The following IKBKE variants were observed in gnomAD, a reference collection of about 807,000 sequenced individuals.
IKBKE encodes inhibitor of nuclear factor kappa B kinase subunit epsilon.
A neutral mutation model predicts 92.1 loss-of-function variants in IKBKE; 45 were observed. The observed-to-expected ratio is 0.49, with a 90% CI of 0.38 to 0.63. The LOEUF is 0.63. Ranked by LOEUF, IKBKE falls within the 20% of genes least tolerant of loss-of-function variation. IKBKE has a pLI of 0.00. For synonymous variants in IKBKE, 374 were observed against 380.3 expected (o/e 0.98, Z 0.19); for missense variants, 700 against 932.8 (o/e 0.75, Z 3.25).
chr1:206,491,074 T>G (rs10863430), intron 17 of IKBKE: 511,500 of 607,976 alleles, frequency 0.84, 216,682 homozygotes, highest in East Asian at 1. Context: ...GTAACTGGAT[T>G]TACTTCTGGT....
Position 206,474,577 on chromosome 1 carries a change from G to A in IKBKE, c.228+106G>A, listed in dbSNP as rs1394978772. On this transcript the variant is annotated intron_variant, in intron 4 of 21. Coordinates refer to ENST00000581977, the MANE Select transcript of IKBKE (RefSeq NM_014002.4). ...GATTTGGTCCCATGCTCATCAGCAG[G>A]TCAGAGACAGCAGGCAAATTGCAGA... 9.1e-6 allele frequency: 11 copies of A among 1,207,850 alleles called. No homozygotes were observed. The African/African-American group carries it at 1.7e-4, about 18-fold the overall frequency. The allele number at this position is 1,207,850 out of a possible 1,614,324, so 74.8% of individuals were successfully genotyped here.
rs1347449168 is a variant in IKBKE at position 206,478,847 on chromosome 1, T to C, written c.993-96T>C. 31 of 956,148 alleles carry C rather than the reference T, an allele frequency of 3.2e-5. No homozygotes were observed. In the Admixed American group the frequency reaches 5.1e-4, roughly 16 times the overall value. 59.2% of individuals were successfully genotyped at this position (956,148 alleles called of 1,614,324 possible). On this transcript the variant is annotated intron_variant, in intron 9 of 21. Coordinates refer to ENST00000581977, the MANE Select transcript of IKBKE (RefSeq NM_014002.4). This position sits in a 1 kb window ranked among gnomAD's most constrained non-coding sequence, Gnocchi z 4.8. Reference sequence around the variant, plus strand: ...TCCCTCTGCAAAACAGAGCCCTGTCTATGGGCAACGCTTAGCTGGGGCTTA... The same window carrying C: ...TCCCTCTGCAAAACAGAGCCCTGTCCATGGGCAACGCTTAGCTGGGGCTTA...
Position 206,478,250 on chromosome 1 carries a change from G to A in IKBKE, c.903G>A (p.Glu301=). ...GGGGCTTCGACCAGTTCTTTGCGGA[G>A]ACCAGTGACATCCTGCAGCGAGTTG... The part of the protein sequence containing the change: ...KCWGFDQFFA[E]TSDILQRVVV... Residue 301 remains glutamate (E), a synonymous_variant, in exon 9 of 22, where the codon GAG becomes GAA. Transcript: ENST00000581977. The surrounding 1 kb of genome is among the most constrained non-coding windows in gnomAD (Gnocchi z 4.8). 6.2e-7 allele frequency: 1 copy of A among 1,614,184 alleles called. No homozygotes were observed. Among genetic ancestry groups the A allele is most frequent in the Non-Finnish European group, 8.5e-7 (1 of 1,180,040 alleles).
At position 206,493,912 on chromosome 1, in the gene IKBKE, T is replaced by C. The variant is rs200054805; in HGVS notation, c.2046-8T>C. The C allele has an allele frequency of 9.9e-5, 159 of 1,613,742 alleles. No homozygotes were observed. The East Asian group carries it at 2.4e-3, about 24-fold the overall frequency. ...CTCAGCCGCCTCTCCTGCCTCTGCC[T>C]TGGGCAGCATGCAAGAGCTCTGCGA... On this transcript the variant is annotated splice_region_variant and splice_polypyrimidine_tract_variant and intron_variant, in intron 20 of 21. Coordinates refer to ENST00000581977, the MANE Select transcript of IKBKE (RefSeq NM_014002.4).
In IKBKE at chr1:206,487,744, G is replaced by A. The variant is rs1665738952; in HGVS notation, c.1617-170G>A. 6.6e-6 allele frequency among the ~76,000 whole-genome samples: 1 copy of A among 152,018 alleles called. No homozygotes were observed. Among genetic ancestry groups the A allele is most frequent in the South Asian group, 2.1e-4 (1 of 4,812 alleles). ...GAGAGACGGCTGGCTGACTGTACGG[G>A]GTCTCAAATAAGCCTAGAGACGGGA... On this transcript the variant is annotated intron_variant, in intron 15 of 21. Coordinates refer to ENST00000581977, the MANE Select transcript of IKBKE (RefSeq NM_014002.4). This position sits in a 1 kb window ranked among gnomAD's most constrained non-coding sequence, Gnocchi z 5.3.
In IKBKE at chr1:206,491,713, A is replaced by G. The variant is rs1553390454; in HGVS notation, c.1799A>G (p.Tyr600Cys). ...QVFQEECVQKYQASLVTHGKR... is the reference protein window; with the variant it reads ...QVFQEECVQKCQASLVTHGKR... ...TTCCAGGAGGAGTGCGTGCAGAAGT[A>G]TCAAGCGTCCTTAGTCACACACGGC... is the stretch of plus-strand genomic sequence containing the variant. Residue 600 changes from tyrosine (Y) to cysteine (C), a missense_variant, in exon 18 of 22, where the codon TAT becomes TGT. By Grantham distance (194) the Tyr-to-Cys change is radical (BLOSUM62 -2). Transcript: ENST00000581977. The G allele has an allele frequency of 1.3e-5, 21 of 1,613,660 alleles. No homozygotes were observed. The highest frequency in any genetic ancestry group is 1.7e-5 in the Non-Finnish European group (20 of 1,179,700).
At chr1:206,486,990 C>T (rs1665702593) in intron 15 of IKBKE, among the ~76,000 whole-genome samples, 2 of 152,210 alleles carry the variant, frequency 1.3e-5, no homozygotes, top group South Asian at 4.1e-4. Context: ...TGGATGAAGG[C>T]TGTGGATCCC....
At chr1:206,474,232 A>T in intron 3 of IKBKE, 99 bp from the exon 4 acceptor site, 2 of 1,191,230 alleles carry the variant, frequency 1.7e-6, no homozygotes, top group Non-Finnish European at 2.4e-6. Flanking sequence ...CTGGCCGGAG[A>T]GGCTGAATGG....
chr1:206,476,430 G>A lies in IKBKE; in HGVS notation c.540+68G>A, dbSNP rs751600960. 2.0e-6 allele frequency: 3 copies of A among 1,504,558 alleles called. No homozygotes were observed. Among genetic ancestry groups the A allele is most frequent in the Non-Finnish European group, 2.7e-6 (3 of 1,101,310 alleles). 93.2% of individuals were successfully genotyped at this position (1,504,558 alleles called of 1,614,324 possible). ...CCCCTTGCCTTGTGAGCCCCCCAGAGCCCCCATGAGGGGGTGTGGCCCACC... is the reference window on the plus strand; with the variant it reads ...CCCCTTGCCTTGTGAGCCCCCCAGAACCCCCATGAGGGGGTGTGGCCCACC... On this transcript the variant is annotated intron_variant, in intron 6 of 21. Coordinates refer to ENST00000581977, the MANE Select transcript of IKBKE (RefSeq NM_014002.4). The surrounding 1 kb of genome is among the most constrained non-coding windows in gnomAD (Gnocchi z 5.1).
At chr1:206,492,587 CTGGGCCT>C (rs541086968) in intron 18 of IKBKE, 43 of 472,562 alleles carry the variant, frequency 9.1e-5, no homozygotes, top group African/African-American at 7.4e-4. Context: ...TTTAACAGCT[CTGGGCCT>C]TGGGGAAAAT....
chr1:206,477,784 T>C lies in IKBKE; in HGVS notation c.737T>C (p.Ile246Thr), dbSNP rs782633812. 1.0e-5 allele frequency: 16 copies of C among 1,570,110 alleles called. No individual in the cohort carries two copies. The highest frequency in any genetic ancestry group is 1.9e-5 in the Admixed American group (1 of 53,768). The change falls in exon 8 of 22, where the codon ATT becomes ACT. Residue 246 changes from isoleucine to threonine, a missense_variant. Physicochemically the swap from Ile to Thr is moderately conservative, Grantham distance 89 (BLOSUM62 -1). Transcript: ENST00000581977. ...ACCACGGAGAAGCCGGCTGGGGCCA[T>C]TGCAGGTGCCCAGAGGCGGGAGAAC... The part of the protein sequence containing the change: ...RITTEKPAGA[I>T]AGAQRRENGP...
rs537436411 is a variant in IKBKE, at chr1:206,482,087, G to A, written c.1427+1554G>A. Among the ~76,000 whole-genome samples the A allele has an allele frequency of 2.6e-4, 40 of 152,226 alleles. No homozygotes were observed. The South Asian group carries it at 4.6e-3, about 17-fold the overall frequency. ...AGCCACCGCGCCCGGCCTAGGATGAGGCTTTTAAGGCCAGAAAGAAGAAGA... is the reference window on the plus strand; with the variant it reads ...AGCCACCGCGCCCGGCCTAGGATGAAGCTTTTAAGGCCAGAAAGAAGAAGA... On this transcript the variant is annotated intron_variant, in intron 13 of 21. Coordinates refer to ENST00000581977, the MANE Select transcript of IKBKE (RefSeq NM_014002.4).
intron 16 of IKBKE, among the ~76,000 whole-genome samples, chr1:206,489,688 G>C (rs1373691430): frequency 6.6e-6 from 1 of 151,856 alleles, no homozygotes; most frequent in Non-Finnish European, 1.5e-5. Flanking sequence ...CTCCAGCCAG[G>C]GCAAGAGCGA....
Position 206,476,242 on chromosome 1 carries a change from C to T in IKBKE, c.420C>T (p.Asn140=), listed in dbSNP as rs138982497. The T allele has an allele frequency of 3.7e-6, 6 of 1,614,042 alleles. No individual in the cohort carries two copies. In the African/African-American group the frequency reaches 6.7e-5, roughly 18 times the overall value. The change falls in exon 6 of 22, where the codon AAC becomes AAT. Residue 140 remains asparagine, a synonymous_variant. Coordinates refer to ENST00000581977, the MANE Select transcript of IKBKE (RefSeq NM_014002.4). The surrounding 1 kb of genome is among the most constrained non-coding windows in gnomAD (Gnocchi z 5.1). The part of the protein sequence containing the change: ...GIVHRDIKPG[N]IMRLVGEEGQ... ...TGCATCGCGACATCAAGCCGGGGAA[C>T]ATCATGCGCCTCGTAGGGGAGGAGG...
At position 206,490,917 on chromosome 1, in the gene IKBKE, A is replaced by G; in HGVS notation, c.1733+59A>G. Reference sequence around the variant, plus strand: ...AGGAGGGTGGGTGTCCTCAGGGCAGAGCGATTCTCAACGCCAGAGGAGAGG... The same window carrying G: ...AGGAGGGTGGGTGTCCTCAGGGCAGGGCGATTCTCAACGCCAGAGGAGAGG... On this transcript the variant is annotated intron_variant, in intron 17 of 21. Transcript: ENST00000581977. The surrounding 1 kb of genome is among the most constrained non-coding windows in gnomAD (Gnocchi z 5.2). The G allele has an allele frequency of 6.7e-7, 1 of 1,492,086 alleles. No individual in the cohort carries two copies. Among genetic ancestry groups the G allele is most frequent in the Non-Finnish European group, 9.3e-7 (1 of 1,070,066 alleles). 92.4% of individuals were successfully genotyped at this position (1,492,086 alleles called of 1,614,324 possible).
At chr1:206,481,014 C>G (rs1381371373) in intron 13 of IKBKE, among the ~76,000 whole-genome samples, 3 of 152,158 alleles carry the variant, frequency 2.0e-5, no homozygotes, top group Admixed American at 2.0e-4. Context: ...CCTTGGGTTC[C>G]CTGCCCCAAT....
chr1:206,477,104 C>T (rs1183319992), intron 7 of IKBKE, among the ~76,000 whole-genome samples: 2 of 152,208 alleles, frequency 1.3e-5, no homozygotes, highest in African/African-American at 2.4e-5. Context: ...CTGCTCTCCT[C>T]GTCTCAACCG....
Position 206,487,863 on chromosome 1 carries a change from C to T in IKBKE, c.1617-51C>T, listed in dbSNP as rs41299035. ...CACCCTTCCCCTCCCTCCCTCTTTC[C>T]TCTGTGCTATTAGATTCTTCCAACA... is the stretch of plus-strand genomic sequence containing the variant. On this transcript the variant is annotated intron_variant, in intron 15 of 21. Coordinates refer to ENST00000581977, the MANE Select transcript of IKBKE (RefSeq NM_014002.4). This position sits in a 1 kb window ranked among gnomAD's most constrained non-coding sequence, Gnocchi z 5.3. 192 of 1,473,122 alleles carry T rather than the reference C, an allele frequency of 1.3e-4. No individual in the cohort carries two copies. In the African/African-American group the frequency reaches 2.3e-3, roughly 18 times the overall value. 91.3% of individuals were successfully genotyped at this position (1,473,122 alleles called of 1,614,324 possible).
rs1553391504 is a variant in IKBKE at position 206,494,046 on chromosome 1, C to G, written c.2117+55C>G. 8.7e-6 allele frequency: 13 copies of G among 1,502,608 alleles called. No homozygotes were observed. The East Asian group carries it at 2.7e-4, about 31-fold the overall frequency. 93.1% of individuals were successfully genotyped at this position (1,502,608 alleles called of 1,614,324 possible). ...GGCCGGGTCTTCAAGCTACCCTTGC[C>G]TGGGGGTGGTGAAGAGTCCCCAAGC... On this transcript the variant is annotated intron_variant, in intron 21 of 21. Transcript: ENST00000581977.
Sources: allele counts gnomAD v4.1 joint callset (sites outside exome capture counted in the v4.1 genomes callset), GRCh38; gene constraint gnomAD v4.1.1; non-coding constraint Gnocchi (gnomAD v3.1); transcripts MANE v1.5; gene names NCBI Gene and HGNC (gene_info 2026-07-23, HGNC 2026-07-21).